Variants in RGS12 observed in about 807,000 individuals in gnomAD.
RGS12 encodes regulator of G protein signaling 12, also known as regulator of G-protein signaling 12.
In RGS12, 66 loss-of-function variants were observed where a neutral mutation model predicts 120.1. The ratio of observed to expected loss-of-function variants is 0.55; its 90% CI spans 0.45 to 0.67. The LOEUF is 0.67. RGS12 is among the 30% of genes least tolerant of loss of function. The probability of loss-of-function intolerance (pLI) is 0.00; values close to 1 mark genes in which losing one functional copy is unlikely to be tolerated. For missense variants in RGS12, 1,859 were observed against 1,957.7 expected, an observed-to-expected ratio of 0.95 and a Z score of 0.95; for synonymous variants, 827 against 804.7, an observed-to-expected ratio of 1.03 and a Z score of -0.47.
intron 17 of RGS12, among the ~76,000 whole-genome samples, chr4:3,435,411 G>T (rs1257872778): frequency 6.6e-6 from 1 of 152,142 alleles, no homozygotes; most frequent in East Asian, 1.9e-4. Flanking sequence ...TCACTCTGAT[G>T]TGGATTGAGA....
chr4:3,362,894 C>G (rs1298866057), intron 3 of RGS12, among the ~76,000 whole-genome samples: 1 of 135,810 alleles, frequency 7.4e-6, no homozygotes, highest in African/African-American at 2.8e-5. Context: ...AGCATGTGTG[C>G]ATCAGTGTGA....
intron 16 of RGS12, among the ~76,000 whole-genome samples, chr4:3,429,079 A>G (rs952080529): frequency 3.3e-5 from 5 of 152,208 alleles, no homozygotes; most frequent in African/African-American, 1.2e-4. Context: ...TTAGCATTAG[A>G]GAGTCCACCC....
intron 15 of RGS12, 189 bp from the exon 16 acceptor site, chr4:3,428,369 G>A: frequency 1.3e-6 from 1 of 763,674 alleles, no homozygotes; most frequent in South Asian, 1.6e-5. Context: ...TTCTTCTGAG[G>A]TGGGAGTGGT....
chr4:3,339,213 TG>T (rs1365793951), intron 2 of RGS12, among the ~76,000 whole-genome samples: 2 of 152,228 alleles, frequency 1.3e-5, no homozygotes, highest in African/African-American at 4.8e-5. Flanking sequence ...CCAGGTGTGG[TG>T]GCTCACACCT....
At chr4:3,362,232 C>A (rs1021622277) in intron 3 of RGS12, among the ~76,000 whole-genome samples, 1 of 152,116 alleles carries the variant, frequency 6.6e-6, no homozygotes, top group Non-Finnish European at 1.5e-5. Flanking sequence ...AGACCCTGCC[C>A]AAGCCAGGCA....
At chr4:3,333,842 T>C (rs1712155179) in intron 2 of RGS12, among the ~76,000 whole-genome samples, 1 of 152,244 alleles carries the variant, frequency 6.6e-6, no homozygotes, top group Non-Finnish European at 1.5e-5. Flanking sequence ...GCTATTGATA[T>C]TTTGTGTTTT....
chr4:3,297,315 T>C (rs977407862), intron 1 of RGS12, among the ~76,000 whole-genome samples: 10 of 152,226 alleles, frequency 6.6e-5, no homozygotes, highest in African/African-American at 2.4e-4. Context: ...AGCGTCCAGT[T>C]GTAGGCATTC....
chr4:3,416,060 A>C lies in RGS12; in HGVS notation c.2366A>C (p.Gln789Pro). 1 of 1,614,108 alleles carries C rather than the reference A, an allele frequency of 6.2e-7. No homozygotes were observed. Among genetic ancestry groups the C allele is most frequent in the East Asian group, 2.2e-5 (1 of 44,870 alleles). The change falls in exon 7 of 18, where the codon CAG becomes CCG. Residue 789 changes from glutamine to proline, a missense_variant. This residue lies in a region of RGS12 where 375 missense variants were observed against 475.0 expected (regional missense o/e 0.79). Coordinates refer to ENST00000336727, the MANE Select transcript of RGS12 (RefSeq NM_001394154.1). The stretch of plus-strand genomic sequence containing the variant: ...CCGGTCAACATCGACAGCCAGGCCC[A>C]GCTAGCAGACGACGTCCTCCGCGCA... ...TTPVNIDSQA[Q>P]LADDVLRAPH... is the part of the protein sequence containing the mutation.
In RGS12 at chr4:3,301,867, G is replaced by T. The variant is rs1214127196; in HGVS notation, c.-102+8768G>T. 2.0e-5 allele frequency among the ~76,000 whole-genome samples: 3 copies of T among 152,282 alleles called. No homozygotes were observed. In the East Asian group the frequency reaches 5.8e-4, roughly 29 times the overall value. On this transcript the variant is annotated intron_variant, in intron 1 of 17. Transcript: ENST00000336727. ...GAACATGGACGTTGGAATGAGCCAG[G>T]TTTAAACACAGCCTCTCTCCAGGGC... is the stretch of plus-strand genomic sequence containing the variant.
chr4:3,429,366 G>A (rs1426551468), intron 16 of RGS12, among the ~76,000 whole-genome samples: 2 of 152,218 alleles, frequency 1.3e-5, no homozygotes, highest in South Asian at 2.1e-4. Context: ...TTCATCCAGG[G>A]CGTACTTGCC....
At chr4:3,313,338 C>T (rs1327755247) in intron 1 of RGS12, among the ~76,000 whole-genome samples, 1 of 152,232 alleles carries the variant, frequency 6.6e-6, no homozygotes, top group Non-Finnish European at 1.5e-5. Context: ...GGCTTCATGA[C>T]CTGCTGTCCT....
intron 13 of RGS12, among the ~76,000 whole-genome samples, 188 bp from the exon 14 acceptor site, chr4:3,425,276 C>A (rs769135375): frequency 3.9e-5 from 6 of 152,008 alleles, no homozygotes; most frequent in Non-Finnish European, 8.8e-5. Context: ...GTCGTGTAGT[C>A]GGGACCCATG....
At chr4:3,431,711 C>T (rs1724325532) in intron 17 of RGS12, 1 of 985,628 alleles carries the variant, frequency 1.0e-6, no homozygotes, top group Non-Finnish European at 1.2e-6. Flanking sequence ...GCGTGGCCAT[C>T]CCCTGGAGAG....
intron 3 of RGS12, among the ~76,000 whole-genome samples, chr4:3,362,883 G>C (rs1156781751): frequency 2.0e-5 from 3 of 151,472 alleles, no homozygotes; most frequent in Non-Finnish European, 4.4e-5. Context: ...GTGTGTGTGA[G>C]AGCATGTGTG....
chr4:3,415,901 G>T, intron 6 of RGS12, 77 bp from the exon 7 acceptor site: 1 of 1,485,984 alleles, frequency 6.7e-7, no homozygotes, highest in Admixed American at 2.0e-5. Flanking sequence ...AGAGCCCGGG[G>T]GTGTCGGGCC....
intron 2 of RGS12, among the ~76,000 whole-genome samples, chr4:3,330,431 A>G (rs142279534): frequency 6.6e-6 from 1 of 152,336 alleles, no homozygotes; most frequent in African/African-American, 2.4e-5. Context: ...AATGGACTAC[A>G]GGCTCCTCCT....
chr4:3,326,072 A>G (rs1725535301), intron 2 of RGS12, among the ~76,000 whole-genome samples: 1 of 152,210 alleles, frequency 6.6e-6, no homozygotes, highest in East Asian at 1.9e-4. Context: ...TCATACCAAA[A>G]GGGGAAAAGT....
At chr4:3,409,355 C>G (rs1278208485) in intron 4 of RGS12, among the ~76,000 whole-genome samples, 1 of 152,260 alleles carries the variant, frequency 6.6e-6, no homozygotes, top group Non-Finnish European at 1.5e-5. Context: ...AATCATGTTT[C>G]TTTCTTGATT....
chr4:3,293,697 C>G (rs1723186883), intron 1 of RGS12, among the ~76,000 whole-genome samples: 3 of 151,746 alleles, frequency 2.0e-5, no homozygotes, highest in African/African-American at 7.3e-5. Flanking sequence ...AGAGGGGACC[C>G]AGAGCTGTGG....
Sources: allele counts gnomAD v4.1 joint callset (sites outside exome capture counted in the v4.1 genomes callset), GRCh38; gene constraint gnomAD v4.1.1; regional missense constraint gnomAD v4.1.1; transcripts MANE v1.5; gene names NCBI Gene and HGNC (gene_info 2026-07-23, HGNC 2026-07-21).